Variants in CNTN5 observed in about 807,000 individuals in gnomAD.
CNTN5 encodes contactin 5.
CNTN5 carries 77 observed loss-of-function variants against 129.1 expected under a neutral mutation model. The ratio of observed to expected loss-of-function variants is 0.60; its 90% CI spans 0.50 to 0.72. The LOEUF (loss-of-function observed/expected upper bound fraction) is 0.72. Among genes scored for constraint, CNTN5 ranks in the 30% least tolerant of loss-of-function variants. The pLI, the probability that CNTN5 is intolerant of heterozygous loss-of-function variation, is 0.00. For missense variants in CNTN5, 1,478 were observed against 1,328.8 expected (o/e 1.11, Z -1.75); for synonymous variants, 509 against 465.6 (o/e 1.09, Z -1.20).
At chr11:99,415,425 C>T (rs1168481791) in intron 2 of CNTN5, among the ~76,000 whole-genome samples, 1 of 152,172 alleles carries the variant, frequency 6.6e-6, no homozygotes, top group Non-Finnish European at 1.5e-5. Context: ...TTCTCTCCTT[C>T]CTTCTGGGTA....
chr11:100,105,521 G>T (rs1945394376), intron 13 of CNTN5, among the ~76,000 whole-genome samples: 1 of 152,134 alleles, frequency 6.6e-6, no homozygotes, highest in South Asian at 2.1e-4. Context: ...TCCTCAAGTA[G>T]TCCTACAAAG....
At chr11:99,507,369 C>T (rs1236709208) in intron 2 of CNTN5, among the ~76,000 whole-genome samples, 2 of 105,118 alleles carry the variant, frequency 1.9e-5, no homozygotes, top group Non-Finnish European at 3.6e-5. Flanking sequence ...AAAGGAGACT[C>T]TGTCTCAAAA....
chr11:99,147,984 A>G (rs536748552), intron 1 of CNTN5, among the ~76,000 whole-genome samples: 4 of 152,200 alleles, frequency 2.6e-5, no homozygotes, highest in African/African-American at 9.6e-5. Flanking sequence ...GAATGGAATA[A>G]CTTTCCAGCC....
At chr11:99,204,036 A>G (rs574433959) in intron 1 of CNTN5, among the ~76,000 whole-genome samples, 1 of 152,354 alleles carries the variant, frequency 6.6e-6, no homozygotes, top group South Asian at 2.1e-4. Context: ...TTGCTTCTGT[A>G]GTACTCTTCT....
chr11:99,088,015 G>T (rs1296617653), intron 1 of CNTN5, among the ~76,000 whole-genome samples: 1 of 152,086 alleles, frequency 6.6e-6, no homozygotes, highest in South Asian at 2.1e-4. Flanking sequence ...CTTGCACTAG[G>T]CTCCACAAAA....
At chr11:99,099,694 G>A (rs910355906) in intron 1 of CNTN5, among the ~76,000 whole-genome samples, 1 of 152,064 alleles carries the variant, frequency 6.6e-6, no homozygotes, top group Non-Finnish European at 1.5e-5. Flanking sequence ...TGAAATTGTG[G>A]TGTCCCAGTA....
At chr11:99,997,376 C>T (rs570551848) in intron 8 of CNTN5, among the ~76,000 whole-genome samples, 2 of 152,222 alleles carry the variant, frequency 1.3e-5, no homozygotes, top group African/African-American at 2.4e-5. Flanking sequence ...ACTACAAACA[C>T]CTCTATGCAA....
chr11:99,552,997 C>T (rs1391809693), intron 2 of CNTN5, among the ~76,000 whole-genome samples: 1 of 152,112 alleles, frequency 6.6e-6, no homozygotes, highest in Non-Finnish European at 1.5e-5. Flanking sequence ...ATGCAGTCAA[C>T]CTCACAATGC....
chr11:100,046,870 A>C (rs1338515483), intron 9 of CNTN5, among the ~76,000 whole-genome samples: 1 of 152,176 alleles, frequency 6.6e-6, no homozygotes, highest in Non-Finnish European at 1.5e-5. Flanking sequence ...AATAAAAAAC[A>C]GTGAAGTTAA....
intron 7 of CNTN5, among the ~76,000 whole-genome samples, chr11:99,932,111 C>T (rs1421305088): frequency 2.0e-5 from 3 of 152,014 alleles, no homozygotes; most frequent in Non-Finnish European, 4.4e-5. Flanking sequence ...TTTCAGCTTC[C>T]TTGCCTTTGA....
At chr11:99,601,253 A>G (rs1950302929) in intron 3 of CNTN5, among the ~76,000 whole-genome samples, 1 of 152,162 alleles carries the variant, frequency 6.6e-6, no homozygotes, top group Admixed American at 6.5e-5. Context: ...TACATTTTCT[A>G]CTTTATAACC....
intron 3 of CNTN5, among the ~76,000 whole-genome samples, chr11:99,763,472 A>C (rs937863402): frequency 1.3e-5 from 2 of 152,080 alleles, no homozygotes; most frequent in African/African-American, 4.8e-5. Flanking sequence ...TAAATTAATA[A>C]TTTTATTGTG....
chr11:99,516,423 G>T (rs990526097), intron 2 of CNTN5, among the ~76,000 whole-genome samples: 4 of 152,070 alleles, frequency 2.6e-5, no homozygotes, highest in African/African-American at 9.7e-5. Context: ...ATTAGTCTCT[G>T]TGGAAACTAG....
intron 18 of CNTN5, among the ~76,000 whole-genome samples, chr11:100,294,155 G>A (rs567991414): frequency 3.3e-5 from 5 of 151,460 alleles, no homozygotes; most frequent in East Asian, 1.9e-4. Flanking sequence ...TGGGGTAAGC[G>A]CTTACTGTAA....
Position 99,323,881 on chromosome 11 carries a change from G to A in CNTN5, c.-209-1465G>A, listed in dbSNP as rs148739273. 3.0e-3 allele frequency among the ~76,000 whole-genome samples: 458 copies of A among 152,184 alleles called. 1 individual carries two copies. The highest frequency in any genetic ancestry group is 0.011 in the African/African-American group (451 of 41,542). ...AAAGAATGAAGGGAGAAGAAAAAAG[G>A]AAGAGGGACAAAAGCGAGGAAAAGA... is the stretch of plus-strand genomic sequence containing the variant. On this transcript the variant is annotated intron_variant, in intron 1 of 24. Transcript: ENST00000524871.
At chr11:99,790,678 G>C (rs1468924679) in intron 3 of CNTN5, among the ~76,000 whole-genome samples, 2 of 152,058 alleles carry the variant, frequency 1.3e-5, no homozygotes, top group African/African-American at 4.8e-5. Context: ...ATTCCCTGGA[G>C]TATATACCCA....
intron 3 of CNTN5, among the ~76,000 whole-genome samples, chr11:99,757,932 A>G (rs926266244): frequency 6.6e-6 from 1 of 152,168 alleles, no homozygotes; most frequent in East Asian, 1.9e-4. Flanking sequence ...AACTGTTATT[A>G]TTTTATGATT....
At chr11:99,783,814 C>G (rs967168029) in intron 3 of CNTN5, among the ~76,000 whole-genome samples, 8 of 150,526 alleles carry the variant, frequency 5.3e-5, no homozygotes, top group Non-Finnish European at 8.9e-5. Flanking sequence ...ACTCTGGGGA[C>G]TGTTGTGGGG....
chr11:100,341,129 A>C lies in CNTN5; in HGVS notation c.2954A>C (p.Gln985Pro), dbSNP rs762718110. The C allele has an allele frequency of 6.2e-7, 1 of 1,613,924 alleles. No individual in the cohort carries two copies. Among genetic ancestry groups the C allele is most frequent in the African/African-American group, 1.3e-5 (1 of 75,058 alleles). Residue 985 changes from glutamine (Q) to proline (P), a missense_variant, in exon 23 of 25, where the codon CAG becomes CCG. By Grantham distance (76) the Gln-to-Pro change is moderately conservative. Transcript: ENST00000524871. Reference protein sequence around the residue: ...SQAPSNLRWEQQGSQVSLGWE... With the variant: ...SQAPSNLRWEPQGSQVSLGWE... ...GCACCTAGCAACCTCAGGTGGGAGC[A>C]GCAAGGCTCTCAGGTTTCTCTGGGC...
Sources: gnomAD v4.1 joint callset for allele counts (sites outside exome capture counted in the v4.1 genomes callset) on GRCh38, gnomAD v4.1.1 for gene constraint, MANE v1.5 for transcripts, NCBI Gene and HGNC (gene_info 2026-07-23, HGNC 2026-07-21) for gene names.